The following DCTN5 variants were observed in gnomAD, a reference collection of about 807,000 sequenced individuals.
The protein encoded by DCTN5 is dynactin 4.
Under a neutral mutation model 23.5 loss-of-function variants are expected in DCTN5, and 14 were observed. That is an observed-to-expected ratio of 0.60 (90% CI 0.39 to 0.93). The LOEUF (loss-of-function observed/expected upper bound fraction) is 0.93, where lower values mean the gene tolerates loss of function less well. Ranked by LOEUF, DCTN5 falls within the 40% of genes least tolerant of loss-of-function variation. The pLI, the probability that DCTN5 is intolerant of heterozygous loss-of-function variation, is 0.00. For synonymous variants in DCTN5, 67 were observed against 79.6 expected (o/e 0.84, Z 0.84); for missense variants, 156 against 225.9 (o/e 0.69, Z 1.98).
intron 2 of DCTN5, chr16:23,657,722 G>A (rs370911738): frequency 2.3e-4 from 46 of 200,008 alleles, no homozygotes; most frequent in African/African-American, 9.1e-4. Flanking sequence ...GATTACAGGC[G>A]TAAGCTACCG....
chr16:23,651,482 T>C (rs1022389622), intron 2 of DCTN5, among the ~76,000 whole-genome samples: 1 of 152,232 alleles, frequency 6.6e-6, no homozygotes, highest in African/African-American at 2.4e-5. Context: ...AACAGACTTA[T>C]GTGGATGTTC....
At chr16:23,645,093 A>ATC (rs1967401412) in intron 2 of DCTN5, among the ~76,000 whole-genome samples, 2 of 13,808 alleles carry the variant, frequency 1.4e-4, no homozygotes, top group East Asian at 4.5e-3. Context: ...CTATATATAT[A>ATC]TATATATATA....
chr16:23,650,878 G>T lies in DCTN5; in HGVS notation c.118-7629G>T. 2.8e-6 allele frequency: 4 copies of T among 1,407,654 alleles called. No homozygotes were observed. The South Asian group carries it at 4.9e-5, about 17-fold the overall frequency. The allele number at this position is 1,407,654 out of a possible 1,614,324, so 87.2% of individuals were successfully genotyped here. Reference sequence around the variant, plus strand: ...ACAATAGAGAGTGGTGGGGCCTGGTGAATTGGAGAATGTGACCAATCTAAG... The same window carrying T: ...ACAATAGAGAGTGGTGGGGCCTGGTTAATTGGAGAATGTGACCAATCTAAG... On this transcript the variant is annotated intron_variant, in intron 2 of 5. Transcript: ENST00000300087.
intron 1 of DCTN5, 92 bp downstream of exon 1, chr16:23,641,682 C>G (rs186518949): frequency 3.7e-6 from 5 of 1,346,178 alleles, no homozygotes; most frequent in Non-Finnish European, 5.3e-6. Context: ...ACCCCACCAA[C>G]CCCTGTCCCT....
At chr16:23,651,040 A>G (rs1967594587) in intron 2 of DCTN5, 2 of 1,386,048 alleles carry the variant, frequency 1.4e-6, no homozygotes, top group Non-Finnish European at 1.9e-6. Context: ...TCAAATAGTA[A>G]TGTTTAATTT....
At chr16:23,653,394 A>C (rs1479080453) in intron 2 of DCTN5, among the ~76,000 whole-genome samples, 2 of 152,114 alleles carry the variant, frequency 1.3e-5, no homozygotes, top group African/African-American at 4.8e-5. Context: ...CAGAAATAAG[A>C]CCACACACCT....
Position 23,675,834 on chromosome 16 carries a change from C to T in DCTN5, c.*8690C>T, listed in dbSNP as rs1015632613. The T allele has an allele frequency of 5.9e-5, 9 of 152,298 alleles. No individual in the cohort carries two copies. In the East Asian group the frequency reaches 7.7e-4, roughly 13 times the overall value. 9.4% of individuals were successfully genotyped at this position (152,298 alleles called of 1,614,324 possible). A position where few individuals can be genotyped will look rare whatever the true frequency, so the allele number is the denominator to read the frequency against. ...ATCTCCCACAAATGTCATCCATGCTCATGAGATGGATCAACTTGTATCCTG... is the reference window on the plus strand; with the variant it reads ...ATCTCCCACAAATGTCATCCATGCTTATGAGATGGATCAACTTGTATCCTG... On this transcript the variant is annotated 3_prime_UTR_variant, in exon 6 of 6. Transcript: ENST00000300087.
chr16:23,660,618 C>G (rs1459665959), intron 3 of DCTN5, among the ~76,000 whole-genome samples: 1 of 152,198 alleles, frequency 6.6e-6, no homozygotes, highest in Non-Finnish European at 1.5e-5. Flanking sequence ...TCACTACTTA[C>G]TATTTAATCT....
intron 4 of DCTN5, among the ~76,000 whole-genome samples, chr16:23,661,986 C>T (rs946346697): frequency 6.6e-6 from 1 of 151,056 alleles, no homozygotes; most frequent in African/African-American, 2.4e-5. Context: ...GAGGCCAAGG[C>T]AGGAGGATCC....
chr16:23,654,745 C>T (rs966419056), intron 2 of DCTN5, among the ~76,000 whole-genome samples: 8 of 152,134 alleles, frequency 5.3e-5, no homozygotes, highest in East Asian at 1.9e-4. Context: ...CATTAATTAA[C>T]CCCTCTTCCT....
intron 2 of DCTN5, among the ~76,000 whole-genome samples, chr16:23,653,325 A>G (rs942794174): frequency 3.3e-5 from 5 of 152,230 alleles, no homozygotes; most frequent in African/African-American, 1.2e-4. Flanking sequence ...TACAGTAATC[A>G]AAACAGCGTG....
chr16:23,655,516 T>C (rs532742721), intron 2 of DCTN5, among the ~76,000 whole-genome samples: 2 of 151,752 alleles, frequency 1.3e-5, no homozygotes, highest in Non-Finnish European at 2.9e-5. Flanking sequence ...GCTGGGACTA[T>C]AGGCACGTGC....
At chr16:23,641,719 C>G (rs867991634) in intron 1 of DCTN5, 129 bp downstream of exon 1, 2 of 948,970 alleles carry the variant, frequency 2.1e-6, no homozygotes, top group Non-Finnish European at 3.3e-6. Flanking sequence ...GATTATCTAG[C>G]GATGCCCCGT....
intron 2 of DCTN5, among the ~76,000 whole-genome samples, chr16:23,654,550 C>T (rs1258358990): frequency 6.6e-6 from 1 of 152,036 alleles, no homozygotes; most frequent in African/African-American, 2.4e-5. Context: ...GTACAACAAA[C>T]CTCCATGACA....
At chr16:23,666,435 A>C (rs1205398627) in intron 5 of DCTN5, 1 of 153,260 alleles carries the variant, frequency 6.5e-6, no homozygotes, top group African/African-American at 2.4e-5. Context: ...CGGAGTTCCA[A>C]ATTATAAAGC....
At position 23,641,502 on chromosome 16, in the gene DCTN5, ACT is replaced by A. The variant is rs771861572; in HGVS notation, c.-38_-37del. The stretch of plus-strand genomic sequence containing the variant: ...GAATCTCTGAAAGACTGACCGACTG[ACT>A]CTGACAGGATCCGGGGCTGAGGGAA... On this transcript the variant is annotated 5_prime_UTR_variant, in exon 1 of 6. Transcript: ENST00000300087. The A allele has an allele frequency of 1.4e-5, 23 of 1,613,106 alleles. No homozygotes were observed. Among genetic ancestry groups the A allele is most frequent in the East Asian group, 6.7e-5 (3 of 44,850 alleles).
chr16:23,657,186 T>C (rs1186119313), intron 2 of DCTN5, among the ~76,000 whole-genome samples: 1 of 152,132 alleles, frequency 6.6e-6, no homozygotes, highest in Non-Finnish European at 1.5e-5. Context: ...GTGCAGTGTC[T>C]AATGCCTGCA....
At chr16:23,666,029 G>T (rs1274048440) in intron 5 of DCTN5, 2 of 310,636 alleles carry the variant, frequency 6.4e-6, no homozygotes, top group Non-Finnish European at 5.9e-6. Context: ...TGATTTGAGG[G>T]GTGATACTCA....
At chr16:23,643,223 A>T (rs1376635273) in intron 2 of DCTN5, among the ~76,000 whole-genome samples, 200 bp downstream of exon 2, 2 of 149,078 alleles carry the variant, frequency 1.3e-5, no homozygotes, top group African/African-American at 2.5e-5. Flanking sequence ...AGACAGTCTC[A>T]CTCTGTCGCC....
Sources: gnomAD v4.1 joint callset for allele counts (sites outside exome capture counted in the v4.1 genomes callset) on GRCh38, gnomAD v4.1.1 for gene constraint, MANE v1.5 for transcripts, NCBI Gene and HGNC (gene_info 2026-07-23, HGNC 2026-07-21) for gene names.